Variants in RGS3 observed in about 807,000 individuals in gnomAD.
RGS3 encodes the protein regulator of G protein signaling 3.
In RGS3, 80 loss-of-function variants were observed where a neutral mutation model predicts 132.6. The ratio of observed to expected loss-of-function variants is 0.60; its 90% CI spans 0.50 to 0.73. RGS3 has a LOEUF of 0.73. Ranked by LOEUF, RGS3 falls within the 30% of genes least tolerant of loss-of-function variation. The pLI, the probability that RGS3 is intolerant of heterozygous loss-of-function variation, is 0.00. For missense variants in RGS3, 1,382 were observed against 1,530.8 expected (o/e 0.90, Z 1.62); for synonymous variants, 598 against 620.6 (o/e 0.96, Z 0.54).
chr9:113,490,723 T>G (rs1830482879), intron 7 of RGS3, among the ~76,000 whole-genome samples: 1 of 114,672 alleles, frequency 8.7e-6, no homozygotes, highest in African/African-American at 3.7e-5. Flanking sequence ...GTATATATAA[T>G]TATATATAAC....
intron 19 of RGS3, among the ~76,000 whole-genome samples, chr9:113,574,761 G>A (rs567552322): frequency 2.0e-5 from 3 of 152,310 alleles, no homozygotes; most frequent in South Asian, 4.1e-4. Context: ...ACACACACAC[G>A]GAGCAGGCAG....
chr9:113,578,475 C>T (rs895840094), intron 19 of RGS3, among the ~76,000 whole-genome samples: 5 of 152,106 alleles, frequency 3.3e-5, no homozygotes, highest in East Asian at 1.9e-4. Flanking sequence ...ATGTAAGTAC[C>T]GCCTCCATCC....
chr9:113,484,116 G>A (rs1830248724), intron 5 of RGS3, 22 bp from the exon 4 acceptor site: 2 of 1,467,168 alleles, frequency 1.4e-6, no homozygotes, highest in Middle Eastern at 1.7e-4. Context: ...CGCTAATCAT[G>A]CTTCCTTTTT....
chr9:113,482,038 C>G (rs1158340750), intron 4 of RGS3, among the ~76,000 whole-genome samples: 2 of 147,510 alleles, frequency 1.4e-5, no homozygotes, highest in African/African-American at 5.0e-5. Flanking sequence ...AAGTGCGAAA[C>G]TCCATCTCAA....
chr9:113,489,433 C>T (rs1283981716), intron 7 of RGS3, among the ~76,000 whole-genome samples: 1 of 152,218 alleles, frequency 6.6e-6, no homozygotes, highest in Non-Finnish European at 1.5e-5. Flanking sequence ...GACCATCTCA[C>T]ATGGATGATA....
Position 113,454,271 on chromosome 9 carries a change from A to G in RGS3, c.-12-5974A>G, listed in dbSNP as rs549321683. Among the ~76,000 whole-genome samples, 4 of 152,276 alleles carry G rather than the reference A, an allele frequency of 2.6e-5. No individual in the cohort carries two copies. In the South Asian group the frequency reaches 8.3e-4, roughly 32 times the overall value. ...GTTCTAGATATTTTTATATTCTTACAAGTATTCTTTAGCTTGTTCTGGGAT... is the reference window on the plus strand; with the variant it reads ...GTTCTAGATATTTTTATATTCTTACGAGTATTCTTTAGCTTGTTCTGGGAT... On this transcript the variant is annotated intron_variant, in intron 1 of 25. Transcript: ENST00000374140.
At position 113,461,773 on chromosome 9, in the gene RGS3, C is replaced by T. The variant is rs1423747862; in HGVS notation, c.147C>T (p.Thr49=). Reference sequence around the variant, plus strand: ...GATCTCACCGTCCTGAGTGTTGTACCTGCAGGTTGCTCACAGCCTCTGGAG... The same window carrying T: ...GATCTCACCGTCCTGAGTGTTGTACTTGCAGGTTGCTCACAGCCTCTGGAG... The change falls in exon 2 of 25, where the codon ACC becomes ACT. Residue 49 remains threonine, a synonymous_variant. Coordinates refer to ENST00000350696, the Ensembl canonical transcript of RGS3. 2.5e-6 allele frequency: 4 copies of T among 1,614,038 alleles called. No homozygotes were observed. In the African/African-American group the frequency reaches 5.3e-5, roughly 22 times the overall value.
intron 19 of RGS3, among the ~76,000 whole-genome samples, chr9:113,574,840 G>A (rs536681121): frequency 6.6e-6 from 1 of 152,346 alleles, no homozygotes; most frequent in East Asian, 1.9e-4. Context: ...CCTCAGCAGA[G>A]CCCCAGGGGG....
At chr9:113,548,611 T>G in intron 19 of RGS3, among the ~76,000 whole-genome samples, 1 of 152,102 alleles carries the variant, frequency 6.6e-6, no homozygotes, top group East Asian at 1.9e-4. Flanking sequence ...CCAGGCCCGA[T>G]GTGAGGAAGT....
rs537159613 is a variant in RGS3, at chr9:113,567,927, C to T, written c.2038-15523C>T. On this transcript the variant is annotated intron_variant, in intron 19 of 24. Coordinates refer to ENST00000350696, the Ensembl canonical transcript of RGS3. ...ACAGCTGAAGAGAGAGTGCCTATCCCCAGCTGGGTCCCTGGGGGCCTTGAG... is the reference window on the plus strand; with the variant it reads ...ACAGCTGAAGAGAGAGTGCCTATCCTCAGCTGGGTCCCTGGGGGCCTTGAG... Among the ~76,000 whole-genome samples, 10 of 152,340 alleles carry T rather than the reference C, an allele frequency of 6.6e-5. No homozygotes were observed. The South Asian group carries it at 2.1e-3, about 32-fold the overall frequency.
At chr9:113,533,089 C>T (rs528363874) in intron 18 of RGS3, among the ~76,000 whole-genome samples, 2 of 152,344 alleles carry the variant, frequency 1.3e-5, no homozygotes, top group South Asian at 4.1e-4. Context: ...CTCTGCTCCT[C>T]ATTGGCGATG....
intron 16 of RGS3, among the ~76,000 whole-genome samples, chr9:113,519,104 AC>A (rs1564519234): frequency 6.6e-6 from 1 of 152,072 alleles, no homozygotes; most frequent in Admixed American, 6.5e-5. Context: ...CTCTTGCAGC[AC>A]CCCCATGAAA....
intron 3 of RGS3, among the ~76,000 whole-genome samples, chr9:113,474,326 G>A (rs564225706): frequency 7.4e-4 from 112 of 152,274 alleles, no homozygotes; most frequent in African/African-American, 2.6e-3. Context: ...ATGGAACTCA[G>A]GGTTCTCCTT....
rs1187487638 is a variant in RGS3, at chr9:113,463,370, A to C, written c.415+1169A>C. On this transcript the variant is annotated intron_variant, in intron 3 of 24. Transcript: ENST00000350696. This position sits in a 1 kb window ranked among gnomAD's most constrained non-coding sequence, Gnocchi z 4.6. ...CTAATGATTATAGGCCTGAGCTTCA[A>C]AGCAGGTTATAAACCCGACTAATTG... 6.6e-6 allele frequency among the ~76,000 whole-genome samples: 1 copy of C among 152,178 alleles called. No homozygotes were observed. The highest frequency in any genetic ancestry group is 1.5e-5 in the Non-Finnish European group (1 of 68,030).
intron 18 of RGS3, among the ~76,000 whole-genome samples, chr9:113,530,949 C>T (rs1020810455): frequency 2.0e-5 from 3 of 152,240 alleles, no homozygotes; most frequent in Non-Finnish European, 4.4e-5. Flanking sequence ...CTGAAACTCA[C>T]ATCTTAGTTG....
intron 10 of RGS3, chr9:113,501,482 G>T (rs752920404): frequency 1.5e-5 from 22 of 1,512,452 alleles, no homozygotes; most frequent in Non-Finnish European, 1.6e-5. Context: ...GCTTCCCAGG[G>T]TGCTCATGCC....
At chr9:113,457,412 T>C (rs769387307), upstream of RGS3, among the ~76,000 whole-genome samples, 1 of 152,220 alleles carries the variant, frequency 6.6e-6, no homozygotes, top group Non-Finnish European at 1.5e-5. Context: ...TCCTCTATTG[T>C]AATGCTTACC....
At chr9:113,548,608 C>T (rs896445284) in intron 19 of RGS3, among the ~76,000 whole-genome samples, 6 of 152,056 alleles carry the variant, frequency 3.9e-5, no homozygotes, top group Admixed American at 2.0e-4. Flanking sequence ...CTGCCAGGCC[C>T]GATGTGAGGA....
rs552381203 is a variant in RGS3, at chr9:113,579,123, G to A, written c.2038-4327G>A. On this transcript the variant is annotated intron_variant, in intron 19 of 24. Coordinates refer to ENST00000350696, the Ensembl canonical transcript of RGS3. The surrounding 1 kb of genome is among the most constrained non-coding windows in gnomAD (Gnocchi z 4.3). ...GTTTTCGAGGGCAGATGCAGAGCCCGGCATCCGTGGTGGCTGTGATGAATC... is the reference window on the plus strand; with the variant it reads ...GTTTTCGAGGGCAGATGCAGAGCCCAGCATCCGTGGTGGCTGTGATGAATC... 1.8e-4 allele frequency among the ~76,000 whole-genome samples: 27 copies of A among 152,174 alleles called. No individual in the cohort carries two copies. Among genetic ancestry groups the A allele is most frequent in the Admixed American group, 4.6e-4 (7 of 15,278 alleles).
Sources: gnomAD v4.1 joint callset for allele counts (sites outside exome capture counted in the v4.1 genomes callset) on GRCh38, gnomAD v4.1.1 for gene constraint, Gnocchi (gnomAD v3.1) non-coding constraint, MANE v1.5 for transcripts, NCBI Gene and HGNC (gene_info 2026-07-23, HGNC 2026-07-21) for gene names.